The following RSRC1 variants were observed in gnomAD, a reference collection of about 807,000 sequenced individuals.
The protein encoded by RSRC1 is arginine and serine rich coiled-coil 1.
In RSRC1, 39 loss-of-function variants were observed where a neutral mutation model predicts 49.1. That is an observed-to-expected ratio of 0.79 (90% CI 0.61 to 1.04). RSRC1 has a LOEUF of 1.04. RSRC1 is among the 50% of genes least tolerant of loss of function. The pLI is 0.00. For missense variants in RSRC1, 388 were observed against 402.4 expected, an observed-to-expected ratio of 0.96 and a Z score of 0.31; for synonymous variants, 143 against 130.8, an observed-to-expected ratio of 1.09 and a Z score of -0.63.
chr3:158,490,609 T>C (rs1224921110), intron 7 of RSRC1, among the ~76,000 whole-genome samples: 1 of 152,238 alleles, frequency 6.6e-6, no homozygotes, highest in African/African-American at 2.4e-5. Flanking sequence ...AATTATCAAA[T>C]AAGGTAGAGC....
At chr3:158,207,498 G>T (rs953936232) in intron 4 of RSRC1, among the ~76,000 whole-genome samples, 1 of 152,136 alleles carries the variant, frequency 6.6e-6, no homozygotes, top group African/African-American at 2.4e-5. Context: ...GAGGAAAAAG[G>T]ATTCACAAAC....
intron 5 of RSRC1, among the ~76,000 whole-genome samples, chr3:158,333,060 C>G (rs1260071372): frequency 1.3e-5 from 2 of 151,926 alleles, no homozygotes; most frequent in African/African-American, 4.8e-5. Flanking sequence ...GCTCCGCCTC[C>G]CGGGTTCACG....
chr3:158,263,826 A>C (rs75868108), intron 4 of RSRC1, among the ~76,000 whole-genome samples: 1 of 152,164 alleles, frequency 6.6e-6, no homozygotes, highest in African/African-American at 2.4e-5. Flanking sequence ...ATAAACATAA[A>C]GCTGTTTAGG....
intron 6 of RSRC1, among the ~76,000 whole-genome samples, chr3:158,436,268 G>C (rs1736036813): frequency 6.6e-6 from 1 of 151,872 alleles, no homozygotes; most frequent in Admixed American, 6.6e-5. Flanking sequence ...CCTAAGAGGA[G>C]GAATTAATGT....
intron 6 of RSRC1, among the ~76,000 whole-genome samples, chr3:158,438,120 A>T (rs1736152106): frequency 1.3e-5 from 2 of 152,204 alleles, no homozygotes. Context: ...AGGGATGTGA[A>T]GGACCTCTTC....
intron 7 of RSRC1, among the ~76,000 whole-genome samples, chr3:158,471,356 T>G (rs1447989404): frequency 1.3e-5 from 2 of 152,144 alleles, no homozygotes; most frequent in Non-Finnish European, 2.9e-5. Context: ...GTGGAAGAAT[T>G]TAAACATTAA....
chr3:158,146,329 T>C (rs1207259939), intron 3 of RSRC1, among the ~76,000 whole-genome samples: 1 of 152,240 alleles, frequency 6.6e-6, no homozygotes, highest in Non-Finnish European at 1.5e-5. Context: ...TTGAGAGTTT[T>C]TAGCATGAAG....
At chr3:158,280,024 A>G (rs1726052438) in intron 4 of RSRC1, among the ~76,000 whole-genome samples, 1 of 152,174 alleles carries the variant, frequency 6.6e-6, no homozygotes, top group South Asian at 2.1e-4. Flanking sequence ...CGCCTCTGAC[A>G]TTGCTGCCAC....
intron 5 of RSRC1, among the ~76,000 whole-genome samples, chr3:158,353,007 G>T (rs149954020): frequency 1.1e-4 from 16 of 152,060 alleles, no homozygotes; most frequent in African/African-American, 3.1e-4. Context: ...TTTATAAAGC[G>T]TGCTTACATA....
In RSRC1 at chr3:158,203,106, C is replaced by T. The variant is rs146246774; in HGVS notation, c.355C>T (p.Arg119Cys). The T allele has an allele frequency of 2.4e-4, 393 of 1,613,338 alleles. 1 individual carries two copies. The highest frequency in any genetic ancestry group is 4.3e-4 in the African/African-American group (32 of 74,974). ...RSRPRLRSHS[R>C]SSERSSHRRT... Reference sequence around the variant, plus strand: ...AAGACCTCGTCTCCGTTCTCATAGTCGTAGCAGTGAAAGGTCCAGTCACAG... The same window carrying T: ...AAGACCTCGTCTCCGTTCTCATAGTTGTAGCAGTGAAAGGTCCAGTCACAG... The change falls in exon 4 of 10, where the codon CGT (arginine) becomes TGT (cysteine). Residue 119 changes from arginine (R) to cysteine (C), a missense_variant. By Grantham distance (180) the Arg-to-Cys change is radical. Coordinates refer to ENST00000611884, the MANE Select transcript of RSRC1 (RefSeq NM_001271838.2).
intron 5 of RSRC1, among the ~76,000 whole-genome samples, chr3:158,353,063 C>T (rs973273028): frequency 2.6e-5 from 4 of 152,088 alleles, no homozygotes; most frequent in Non-Finnish European, 5.9e-5. Flanking sequence ...TATTGGTTGT[C>T]ATCTCCTCCT....
At chr3:158,370,747 G>C (rs753371686) in intron 6 of RSRC1, among the ~76,000 whole-genome samples, 34 of 151,770 alleles carry the variant, frequency 2.2e-4, no homozygotes, top group Non-Finnish European at 3.7e-4. Context: ...ACATGTTTTC[G>C]TTTATTTTGA....
At chr3:158,202,088 C>T (rs1427313137) in intron 3 of RSRC1, among the ~76,000 whole-genome samples, 1 of 152,142 alleles carries the variant, frequency 6.6e-6, no homozygotes, top group Non-Finnish European at 1.5e-5. Flanking sequence ...AATCTGGGCT[C>T]ACTGCAACCT....
intron 5 of RSRC1, among the ~76,000 whole-genome samples, chr3:158,317,392 C>A (rs1333119802): frequency 6.6e-6 from 1 of 151,966 alleles, no homozygotes; most frequent in Non-Finnish European, 1.5e-5. Flanking sequence ...CCACGCCCAG[C>A]TAATTTTTGT....
intron 3 of RSRC1, among the ~76,000 whole-genome samples, chr3:158,180,393 C>CT (rs1163298458): frequency 0.08 from 3,066 of 38,550 alleles, 942 homozygotes; most frequent in African/African-American, 0.11. Flanking sequence ...GGTCGAGGTT[C>CT]TTTTTTTTTT....
intron 4 of RSRC1, among the ~76,000 whole-genome samples, chr3:158,208,018 A>G (rs1260589450): frequency 6.6e-6 from 1 of 152,152 alleles, no homozygotes; most frequent in Non-Finnish European, 1.5e-5. Context: ...GGAAGACCTA[A>G]TATAAACTGG....
intron 4 of RSRC1, among the ~76,000 whole-genome samples, chr3:158,228,809 C>T (rs1722671233): frequency 6.9e-6 from 1 of 144,578 alleles, no homozygotes; most frequent in African/African-American, 2.6e-5. Flanking sequence ...GTATATATGT[C>T]TATGATCATA....
rs1713236192 is a variant in RSRC1 at position 158,544,865 on chromosome 3, T to C, written c.*590T>C. On this transcript the variant is annotated 3_prime_UTR_variant, in exon 10 of 10. Coordinates refer to ENST00000611884, the MANE Select transcript of RSRC1 (RefSeq NM_001271838.2). ...CTACTAGATGCTCCTTTACAACATG[T>C]TAGCAGATCTCAGCTCATTGTTTTA... 1 of 152,258 alleles carries C rather than the reference T, an allele frequency of 6.6e-6. No homozygotes were observed. Among genetic ancestry groups the C allele is most frequent in the South Asian group, 2.1e-4 (1 of 4,836 alleles). 9.4% of individuals were successfully genotyped at this position (152,258 alleles called of 1,614,324 possible). A position where few individuals can be genotyped will look rare whatever the true frequency, so the allele number is the denominator to read the frequency against.
chr3:158,314,312 C>T (rs901766958), intron 5 of RSRC1, among the ~76,000 whole-genome samples: 10 of 151,982 alleles, frequency 6.6e-5, no homozygotes, highest in Non-Finnish European at 1.3e-4. Flanking sequence ...AGGCTGGTCT[C>T]GAACTCCTGA....
Sources: allele counts gnomAD v4.1 joint callset (sites outside exome capture counted in the v4.1 genomes callset), GRCh38; gene constraint gnomAD v4.1.1; transcripts MANE v1.5; gene names NCBI Gene and HGNC (gene_info 2026-07-23, HGNC 2026-07-21).